Variants in CDKL3 observed in about 807,000 individuals in gnomAD.
CDKL3 encodes cyclin dependent kinase like 3.
In CDKL3, 65 loss-of-function variants were observed where a neutral mutation model predicts 69.3. The ratio of observed to expected loss-of-function variants is 0.94; its 90% CI spans 0.77 to 1.15. The LOEUF (loss-of-function observed/expected upper bound fraction) is 1.15, where lower values mean the gene tolerates loss of function less well. Among genes scored for constraint, CDKL3 ranks in the 50% most tolerant of loss-of-function variants. The pLI, the probability that CDKL3 is intolerant of heterozygous loss-of-function variation, is 0.00. For missense variants in CDKL3, 652 were observed against 689.2 expected, an observed-to-expected ratio of 0.95 and a Z score of 0.61; for synonymous variants, 202 against 221.6, an observed-to-expected ratio of 0.91 and a Z score of 0.79.
chr5:134,326,868 C>CAT (rs1774513615), intron 4 of CDKL3, among the ~76,000 whole-genome samples: 3 of 74,830 alleles, frequency 4.0e-5, no homozygotes, highest in African/African-American at 2.3e-4. Context: ...TATATATATA[C>CAT]ACACACACAC....
chr5:134,344,694 C>T (rs567906183), intron 4 of CDKL3, among the ~76,000 whole-genome samples: 2 of 152,168 alleles, frequency 1.3e-5, no homozygotes, highest in Admixed American at 6.5e-5. Flanking sequence ...TAGGCTGAGG[C>T]GGGAGGATCA....
intron 3 of CDKL3, among the ~76,000 whole-genome samples, chr5:134,359,561 C>T (rs959748156): frequency 6.6e-6 from 1 of 152,014 alleles, no homozygotes; most frequent in Non-Finnish European, 1.5e-5. Flanking sequence ...ATGAGCAACT[C>T]TCCATTAAGC....
chr5:134,356,350 G>A (rs563535583), intron 3 of CDKL3, among the ~76,000 whole-genome samples: 4 of 152,306 alleles, frequency 2.6e-5, no homozygotes, highest in East Asian at 1.9e-4. Flanking sequence ...TTGCCTGCTC[G>A]CCCACCACTC....
intron 8 of CDKL3, among the ~76,000 whole-genome samples, chr5:134,287,928 C>A (rs1764944456): frequency 6.6e-6 from 1 of 151,184 alleles, no homozygotes; most frequent in Non-Finnish European, 1.5e-5. Flanking sequence ...GCGTTTCACC[C>A]TTGTTGCCCA....
rs566073201 is a variant in CDKL3 at position 134,308,814 on chromosome 5, T to A, written c.882-87A>T. 3.0e-5 allele frequency: 34 copies of A among 1,135,988 alleles called. No individual in the cohort carries two copies. In the East Asian group the frequency reaches 6.1e-4, roughly 20 times the overall value. 70.4% of individuals were successfully genotyped at this position (1,135,988 alleles called of 1,614,324 possible). On this transcript the variant is annotated intron_variant, in intron 7 of 12. Coordinates refer to ENST00000265334, the MANE Select transcript of CDKL3 (RefSeq NM_001113575.2). ...TTGAATAAACCATTTCATCAATTAATGTACATTTCAGCTACAGCATAAATA... is the reference window on the plus strand; with the variant it reads ...TTGAATAAACCATTTCATCAATTAAAGTACATTTCAGCTACAGCATAAATA...
At chr5:134,350,831 G>GAAAAAAAAAAAAAAAA in intron 3 of CDKL3, among the ~76,000 whole-genome samples, 1 of 82,402 alleles carries the variant, frequency 1.2e-5, no homozygotes, top group African/African-American at 3.9e-5. Context: ...AGAAAAAAAA[G>GAAAAAAAAAAAAAAAA]AAAAAAAAAA....
chr5:134,333,814 G>A (rs1287260339), intron 4 of CDKL3, among the ~76,000 whole-genome samples: 2 of 152,292 alleles, frequency 1.3e-5, no homozygotes, highest in South Asian at 4.1e-4. Flanking sequence ...TCATGATGAT[G>A]CTGGCCTCAT....
intron 4 of CDKL3, among the ~76,000 whole-genome samples, chr5:134,325,040 TG>T (rs1399299283): frequency 6.6e-6 from 1 of 152,160 alleles, no homozygotes; most frequent in African/African-American, 2.4e-5. Flanking sequence ...TGGCAGGGCT[TG>T]GTGGCTCATG....
downstream of CDKL3, among the ~76,000 whole-genome samples, chr5:134,296,089 G>A (rs1012213836): frequency 3.3e-5 from 5 of 151,730 alleles, no homozygotes; most frequent in African/African-American, 1.2e-4. Flanking sequence ...AGTAGAGACG[G>A]GGTTTCACCA....
chr5:134,320,831 G>A (rs1175664342), intron 5 of CDKL3, among the ~76,000 whole-genome samples: 1 of 148,474 alleles, frequency 6.7e-6, no homozygotes, highest in Admixed American at 6.7e-5. Flanking sequence ...CTGAGATCGC[G>A]CCCCTGCACT....
intron 4 of CDKL3, among the ~76,000 whole-genome samples, chr5:134,333,012 C>T (rs1394564157): frequency 1.3e-5 from 2 of 152,094 alleles, no homozygotes; most frequent in Non-Finnish European, 2.9e-5. Flanking sequence ...TCCTTCATAT[C>T]CCTTGTAAGT....
chr5:134,345,503 G>A (rs1038263611), intron 4 of CDKL3, among the ~76,000 whole-genome samples: 6 of 152,326 alleles, frequency 3.9e-5, no homozygotes, highest in Non-Finnish European at 5.9e-5. Flanking sequence ...AACATGCTTT[G>A]TGTGAGCAAC....
At chr5:134,326,866 T>TATATATACACAC (rs1561563782) in intron 4 of CDKL3, among the ~76,000 whole-genome samples, 1 of 98,262 alleles carries the variant, frequency 1.0e-5, no homozygotes, top group African/African-American at 5.9e-5. Flanking sequence ...TATATATATA[T>TATATATACACAC]ACACACACAC....
Position 134,347,617 on chromosome 5 carries a change from C to T in CDKL3, c.539+2632G>A, listed in dbSNP as rs189518948. Among the ~76,000 whole-genome samples the T allele has an allele frequency of 3.4e-3, 516 of 149,836 alleles. 6 individuals carry two copies. The highest frequency in any genetic ancestry group is 0.012 in the African/African-American group (469 of 40,666). ...GGGCACGGTGGCTCATGCCTGTAATCCCAGCATTTTGAGAGGCCGAGGCGA... is the reference window on the plus strand; with the variant it reads ...GGGCACGGTGGCTCATGCCTGTAATTCCAGCATTTTGAGAGGCCGAGGCGA... On this transcript the variant is annotated intron_variant, in intron 4 of 12. Coordinates refer to ENST00000265334, the MANE Select transcript of CDKL3 (RefSeq NM_001113575.2).
intron 10 of CDKL3, among the ~76,000 whole-genome samples, chr5:134,304,832 A>G: frequency 6.8e-6 from 1 of 146,386 alleles, no homozygotes. Flanking sequence ...AATAATAATA[A>G]TATTATTATT....
chr5:134,366,218 C>A, intron 2 of CDKL3, 141 bp downstream of exon 2: 1 of 604,272 alleles, frequency 1.7e-6, no homozygotes, highest in African/African-American at 1.9e-5. Context: ...TATAAAATTA[C>A]AAAATGTAGA....
At chr5:134,356,400 G>A (rs1300242266) in intron 3 of CDKL3, among the ~76,000 whole-genome samples, 2 of 152,230 alleles carry the variant, frequency 1.3e-5, no homozygotes, top group Non-Finnish European at 2.9e-5. Flanking sequence ...CCACAGAATG[G>A]TATTGGTTGT....
At chr5:134,298,787 A>G (rs1765583187) in intron 12 of CDKL3, 77 bp from the exon 13 acceptor site, 2 of 1,539,082 alleles carry the variant, frequency 1.3e-6, no homozygotes, top group Non-Finnish European at 8.8e-7. Context: ...GACTTTATTA[A>G]TGCTAAATTA....
At chr5:134,361,247 G>T (rs528896321) in intron 2 of CDKL3, among the ~76,000 whole-genome samples, 488 of 148,370 alleles carry the variant, frequency 3.3e-3, no homozygotes, top group Admixed American at 3.2e-3. Flanking sequence ...AAAATGAAGG[G>T]TTTTTTTTTG....
Sources: gnomAD v4.1 joint callset for allele counts (sites outside exome capture counted in the v4.1 genomes callset) on GRCh38, gnomAD v4.1.1 for gene constraint, MANE v1.5 for transcripts, NCBI Gene and HGNC (gene_info 2026-07-23, HGNC 2026-07-21) for gene names.